Variants in PTPRE observed in about 807,000 individuals in gnomAD.
PTPRE encodes protein tyrosine phosphatase receptor type E, also known as receptor-type tyrosine-protein phosphatase epsilon.
Under a neutral mutation model 102.0 loss-of-function variants are expected in PTPRE, and 51 were observed. The ratio of observed to expected loss-of-function variants is 0.50; its 90% CI spans 0.40 to 0.63. PTPRE has a LOEUF of 0.63. Ranked by LOEUF, PTPRE falls within the 30% of genes least tolerant of loss-of-function variation. PTPRE has a pLI of 0.00. For missense variants in PTPRE, 752 were observed against 915.1 expected (o/e 0.82, Z 2.30); for synonymous variants, 345 against 348.2 (o/e 0.99, Z 0.10).
At chr10:127,995,057 CA>C (rs1227125039) in intron 2 of PTPRE, among the ~76,000 whole-genome samples, 1 of 152,042 alleles carries the variant, frequency 6.6e-6, no homozygotes, top group African/African-American at 2.4e-5. Flanking sequence ...TGTCGCCCAC[CA>C]AAAAAAGTAA....
chr10:127,985,693 A>T (rs1425740124), intron 2 of PTPRE, among the ~76,000 whole-genome samples: 1 of 152,258 alleles, frequency 6.6e-6, no homozygotes, highest in Non-Finnish European at 1.5e-5. Context: ...TAAGGAAGGC[A>T]TTTAAGTGGA....
At chr10:128,044,959 G>A (rs1847972751) in intron 3 of PTPRE, among the ~76,000 whole-genome samples, 2 of 152,246 alleles carry the variant, frequency 1.3e-5, no homozygotes, top group African/African-American at 2.4e-5. Context: ...TAGGCACTGT[G>A]GGCACCCCTT....
intron 6 of PTPRE, among the ~76,000 whole-genome samples, chr10:128,054,680 A>T (rs1258252595): frequency 6.6e-6 from 1 of 151,808 alleles, no homozygotes; most frequent in East Asian, 2.0e-4. Flanking sequence ...AGGGCGGCCT[A>T]CGGTGCCCCA....
rs189414567 is a variant in PTPRE, at chr10:127,983,908, G to A, written c.-8+1612G>A. The stretch of plus-strand genomic sequence containing the variant: ...CACCTCCCGGCCTTGTCTCAAAACC[G>A]GCAAGAGATTCAGAAGTAGGTGCCC... On this transcript the variant is annotated intron_variant, in intron 2 of 20. Transcript: ENST00000254667. Among the ~76,000 whole-genome samples, 715 of 152,086 alleles carry A rather than the reference G, an allele frequency of 4.7e-3. 7 individuals are homozygous for A. The highest frequency in any genetic ancestry group is 7.9e-3 in the Non-Finnish European group (535 of 67,998).
intron 1 of PTPRE, among the ~76,000 whole-genome samples, chr10:127,975,406 A>G (rs554317064): frequency 6.6e-6 from 1 of 152,356 alleles, no homozygotes; most frequent in East Asian, 1.9e-4. Flanking sequence ...TCATAATAAA[A>G]TGATCTTTCT....
rs934373808 is a variant in PTPRE, at chr10:128,028,412, G to A, written c.-7-12463G>A. ...CGCCCGCCCCAGGCTGGAATTGCTGGGCCGTGATCTCCTCCATCTTTTCTT... is the reference window on the plus strand; with the variant it reads ...CGCCCGCCCCAGGCTGGAATTGCTGAGCCGTGATCTCCTCCATCTTTTCTT... On this transcript the variant is annotated intron_variant, in intron 2 of 20. Transcript: ENST00000254667. The surrounding 1 kb of genome is among the most constrained non-coding windows in gnomAD (Gnocchi z 4.5). Among the ~76,000 whole-genome samples, 3 of 152,126 alleles carry A rather than the reference G, an allele frequency of 2.0e-5. No homozygotes were observed. The highest frequency in any genetic ancestry group is 7.2e-5 in the African/African-American group (3 of 41,432).
chr10:127,947,241 T>C (rs1008851608), intron 1 of PTPRE, among the ~76,000 whole-genome samples: 4 of 152,242 alleles, frequency 2.6e-5, no homozygotes, highest in Non-Finnish European at 4.4e-5. Flanking sequence ...TATATTTTAG[T>C]TTTGGAAAAT....
chr10:127,928,184 C>T (rs1358378659), intron 1 of PTPRE, among the ~76,000 whole-genome samples: 1 of 152,220 alleles, frequency 6.6e-6, no homozygotes, highest in Non-Finnish European at 1.5e-5. Context: ...TCAGTGTTCA[C>T]TGTTTACGCT....
chr10:127,945,531 A>G (rs561255693), intron 1 of PTPRE, among the ~76,000 whole-genome samples: 1 of 152,328 alleles, frequency 6.6e-6, no homozygotes, highest in African/African-American at 2.4e-5. Flanking sequence ...TGATGTATGG[A>G]GCGTGTGTCA....
chr10:128,067,049 CAT>C (rs1205294576), intron 11 of PTPRE, among the ~76,000 whole-genome samples: 1 of 151,848 alleles, frequency 6.6e-6, no homozygotes, highest in South Asian at 2.1e-4. Context: ...CTCCCACACA[CAT>C]GCATGCACAT....
intron 20 of PTPRE, among the ~76,000 whole-genome samples, chr10:128,082,076 T>C (rs952355090): frequency 2.0e-5 from 3 of 152,120 alleles, no homozygotes; most frequent in Admixed American, 1.3e-4. Context: ...TAAAACAATG[T>C]CCCTTTTGTA....
At chr10:127,910,899 C>T (rs1294629443) in intron 1 of PTPRE, among the ~76,000 whole-genome samples, 4 of 152,114 alleles carry the variant, frequency 2.6e-5, no homozygotes, top group African/African-American at 9.7e-5. Flanking sequence ...GCATAGGCAA[C>T]ATGATGGAAC....
chr10:127,936,555 G>T (rs1847857254), intron 1 of PTPRE, among the ~76,000 whole-genome samples: 1 of 152,156 alleles, frequency 6.6e-6, no homozygotes, highest in Admixed American at 6.5e-5. Context: ...CTCCACAGGG[G>T]TCTTCAGATA....
At chr10:127,954,938 ACTCAAG>A (rs1849289591) in intron 1 of PTPRE, among the ~76,000 whole-genome samples, 1 of 151,548 alleles carries the variant, frequency 6.6e-6, no homozygotes, top group Non-Finnish European at 1.5e-5. Flanking sequence ...CAATGATTCC[ACTCAAG>A]CAGAAGATAA....
chr10:128,049,747 T>C, intron 6 of PTPRE, 81 bp downstream of exon 6: 1 of 1,579,428 alleles, frequency 6.3e-7, no homozygotes, highest in South Asian at 1.1e-5. Context: ...GGATGAATTA[T>C]CCCAAAGACT....
chr10:128,011,809 G>A (rs1221432401), intron 2 of PTPRE, among the ~76,000 whole-genome samples: 3 of 152,194 alleles, frequency 2.0e-5, no homozygotes, highest in East Asian at 1.9e-4. Flanking sequence ...TGCCTCACAC[G>A]TGCCAGTTCA....
At chr10:127,926,002 A>G (rs1406980486) in intron 1 of PTPRE, among the ~76,000 whole-genome samples, 2 of 152,218 alleles carry the variant, frequency 1.3e-5, no homozygotes, top group Non-Finnish European at 2.9e-5. Context: ...CTTTATATAC[A>G]CTGGGTAAGC....
chr10:128,074,044 C>T (rs1330091911), intron 17 of PTPRE, among the ~76,000 whole-genome samples: 1 of 152,194 alleles, frequency 6.6e-6, no homozygotes, highest in Non-Finnish European at 1.5e-5. Flanking sequence ...TCATTTTCAT[C>T]AACCCAAAAG....
rs1850953167 is a variant in PTPRE at position 128,073,414 on chromosome 10, C to T, written c.1542C>T (p.Ile514=). The part of the protein sequence containing the change: ...AHTVEDFWRM[I]WEWKSHTIVM... The stretch of plus-strand genomic sequence containing the variant: ...CGGTTGAGGACTTCTGGAGGATGAT[C>T]TGGGAATGGAAATCCCACACTATCG... The change falls in exon 17 of 21, where the codon ATC becomes ATT. Residue 514 remains isoleucine, a synonymous_variant. Coordinates refer to ENST00000254667, the MANE Select transcript of PTPRE (RefSeq NM_006504.6). 6.2e-7 allele frequency: 1 copy of T among 1,614,090 alleles called. No homozygotes were observed. Among genetic ancestry groups the T allele is most frequent in the African/African-American group, 1.3e-5 (1 of 74,920 alleles).
Sources: allele counts gnomAD v4.1 joint callset (sites outside exome capture counted in the v4.1 genomes callset), GRCh38; gene constraint gnomAD v4.1.1; non-coding constraint Gnocchi (gnomAD v3.1); transcripts MANE v1.5; gene names NCBI Gene and HGNC (gene_info 2026-07-23, HGNC 2026-07-21).